The following LRIG2 variants were observed in gnomAD, a reference collection of about 807,000 sequenced individuals.
LRIG2 encodes leucine-rich repeats and immunoglobulin-like domains protein 2.
A neutral mutation model predicts 107.8 loss-of-function variants in LRIG2; 93 were observed. The ratio of observed to expected loss-of-function variants is 0.86; its 90% confidence interval spans 0.73 to 1.03. The LOEUF (loss-of-function observed/expected upper bound fraction) is 1.03, where lower values mean the gene tolerates loss of function less well. Among genes scored for constraint, LRIG2 ranks in the 50% least tolerant of loss-of-function variants. The pLI, the probability that LRIG2 is intolerant of heterozygous loss-of-function variation, is 0.00. For missense variants in LRIG2, 1,226 were observed against 1,296.0 expected, an observed-to-expected ratio of 0.95 and a Z score of 0.83; for synonymous variants, 471 against 470.6, an observed-to-expected ratio of 1.00 and a Z score of -0.01.
In LRIG2 at chr1:113,124,351, T is replaced by TA. The variant is rs1268807218; in HGVS notation, c.*250_*251insA. On this transcript the variant is annotated 3_prime_UTR_variant, in exon 18 of 18. Coordinates refer to ENST00000361127, the MANE Select transcript of LRIG2 (RefSeq NM_014813.3). ...GCAGAGGGAAGATACGGGGCAAATG[T>TA]GCTTCCTGATGCTTCCATGGGGATG... 3 of 521,644 alleles carry TA rather than the reference T, an allele frequency of 5.8e-6. No homozygotes were observed. The highest frequency in any genetic ancestry group is 1.9e-5 in the African/African-American group (1 of 52,204). 32.3% of individuals were successfully genotyped at this position (521,644 alleles called of 1,614,324 possible). A position where few individuals can be genotyped will look rare whatever the true frequency, so the allele number is the denominator to read the frequency against.
At chr1:113,108,363 A>G (rs1198996959) in intron 12 of LRIG2, among the ~76,000 whole-genome samples, 1 of 150,650 alleles carries the variant, frequency 6.6e-6, no homozygotes, top group East Asian at 2.0e-4. Context: ...AGCTGGGATT[A>G]CAGGCGTGTG....
At position 113,099,428 on chromosome 1, in the gene LRIG2, C is replaced by G. The variant is rs1362303640; in HGVS notation, c.1172+643C>G. 2.7e-5 allele frequency among the ~76,000 whole-genome samples: 4 copies of G among 150,864 alleles called. No individual in the cohort carries two copies. In the South Asian group the frequency reaches 8.4e-4, roughly 32 times the overall value. ...ATTAAAATTTTTTTTTTTGTAGAGA[C>G]AGAGTCTCACTATATTGCCCAGGCT... On this transcript the variant is annotated intron_variant, in intron 9 of 17. Coordinates refer to ENST00000361127, the MANE Select transcript of LRIG2 (RefSeq NM_014813.3).
At chr1:113,118,725 C>A (rs1284817142) in intron 16 of LRIG2, among the ~76,000 whole-genome samples, 2 of 151,406 alleles carry the variant, frequency 1.3e-5, no homozygotes, top group South Asian at 4.2e-4. Context: ...AGTGCAGTGG[C>A]GTGATCTCGG....
At chr1:113,089,788 G>T (rs1458347177) in intron 1 of LRIG2, among the ~76,000 whole-genome samples, 1 of 142,544 alleles carries the variant, frequency 7.0e-6, no homozygotes, top group Non-Finnish European at 1.5e-5. Context: ...CGCCTCAAGG[G>T]TTCAAGTGAT....
chr1:113,091,286 T>G, intron 1 of LRIG2, 32 bp from the exon 2 acceptor site: 1 of 1,446,062 alleles, frequency 6.9e-7, no homozygotes, highest in South Asian at 1.2e-5. Flanking sequence ...TTTCCAGGAC[T>G]AAACTAAGAA....
intron 1 of LRIG2, among the ~76,000 whole-genome samples, chr1:113,083,125 G>C (rs1340129506): frequency 5.3e-5 from 8 of 151,794 alleles, no homozygotes; most frequent in Non-Finnish European, 8.8e-5. Context: ...TGCCCAGGCT[G>C]GTCTTGAACT....
chr1:113,116,561 C>A, intron 16 of LRIG2, 125 bp downstream of exon 16: 1 of 846,420 alleles, frequency 1.2e-6, no homozygotes, highest in Admixed American at 3.0e-5. Context: ...AAGCATTTAG[C>A]CACATGCAAA....
intron 14 of LRIG2, among the ~76,000 whole-genome samples, chr1:113,113,527 CATTTATTTATTTATTT>C (rs71590539): frequency 1.3e-3 from 182 of 138,490 alleles, no homozygotes; most frequent in South Asian, 5.6e-3. Context: ...AATAAGAAGT[CATTTATTTATTTATTT>C]ATTTATTTAT....
chr1:113,093,606 GT>G, intron 4 of LRIG2, 42 bp downstream of exon 4: 1 of 1,012,374 alleles, frequency 9.9e-7, no homozygotes, highest in Non-Finnish European at 1.4e-6. Flanking sequence ...TAAAGCACAT[GT>G]TTATGGGGAC....
At chr1:113,091,285 C>T in intron 1 of LRIG2, 33 bp from the exon 2 acceptor site, 1 of 1,439,240 alleles carries the variant, frequency 6.9e-7, no homozygotes, top group Non-Finnish European at 9.6e-7. Context: ...CTTTCCAGGA[C>T]TAAACTAAGA....
At chr1:113,089,942 G>A (rs530794306) in intron 1 of LRIG2, among the ~76,000 whole-genome samples, 1 of 151,234 alleles carries the variant, frequency 6.6e-6, no homozygotes, top group Non-Finnish European at 1.5e-5. Context: ...TGATCCACCC[G>A]CCTTGGCCTC....
At chr1:113,111,579 G>A (rs535447033) in intron 13 of LRIG2, among the ~76,000 whole-genome samples, 1 of 152,188 alleles carries the variant, frequency 6.6e-6, no homozygotes, top group South Asian at 2.1e-4. Context: ...ATGGTGTTTG[G>A]TTTTTCACTC....
chr1:113,097,195 C>T (rs1445378338), intron 8 of LRIG2, among the ~76,000 whole-genome samples: 1 of 150,750 alleles, frequency 6.6e-6, no homozygotes, highest in Non-Finnish European at 1.5e-5. Flanking sequence ...ATAAATATAT[C>T]TAATTTTAGA....
rs568784194 is a variant in LRIG2 at position 113,107,595 on chromosome 1, A to T, written c.1315A>T (p.Ile439Phe). The T allele has an allele frequency of 2.7e-5, 43 of 1,607,672 alleles. No individual in the cohort carries two copies. In the African/African-American group the frequency reaches 5.5e-4, roughly 21 times the overall value. The stretch of plus-strand genomic sequence containing the variant: ...CTTTTCCTCTTTTCTTTCCTGCAGG[A>T]TTCTGAACACAAGCAGTTTGCTCTG... ...AFSQTHLKEL[I>F]LNTSSLLCDC... The change falls in exon 12 of 18, where the codon ATT becomes TTT. Residue 439 changes from isoleucine to phenylalanine, a missense_variant and splice_region_variant. This residue lies in a region of LRIG2 where 570 missense variants were observed against 550.2 expected (regional missense o/e 1.04). Transcript: ENST00000361127.
intron 16 of LRIG2, among the ~76,000 whole-genome samples, chr1:113,116,791 C>G (rs1218593657): frequency 5.3e-5 from 8 of 152,154 alleles, no homozygotes; most frequent in African/African-American, 1.9e-4. Flanking sequence ...GGTTTCTCTT[C>G]CTGACAGGTA....
rs1185103790 is a variant in LRIG2 at position 113,131,752 on chromosome 1, C to T, written c.*7651C>T. 1 of 151,870 alleles carries T rather than the reference C, an allele frequency of 6.6e-6. No homozygotes were observed. Among genetic ancestry groups the T allele is most frequent in the African/African-American group, 2.4e-5 (1 of 41,308 alleles). 9.4% of individuals were successfully genotyped at this position (151,870 alleles called of 1,614,324 possible). ...ATGTTACAAGCTGCACTTAACACCA[C>T]CTGAAAACCCAAGAATCATCTGAAG... On this transcript the variant is annotated 3_prime_UTR_variant, in exon 18 of 18. Coordinates refer to ENST00000361127, the MANE Select transcript of LRIG2 (RefSeq NM_014813.3).
chr1:113,100,243 C>T lies in LRIG2; in HGVS notation c.1205C>T (p.Thr402Ile), dbSNP rs1407887752. ...ILQGNQIKSI[T>I]KKAFIGLESL... ...CAAGGAAACCAGATTAAGTCAATTA[C>T]AAAGAAAGCATTCATTGGTCTTGAA... The change falls in exon 10 of 18, where the codon ACA becomes ATA. Residue 402 changes from threonine to isoleucine, a missense_variant. Physicochemically the swap from Thr to Ile is moderately conservative, Grantham distance 89. Coordinates refer to ENST00000361127, the MANE Select transcript of LRIG2 (RefSeq NM_014813.3). The T allele has an allele frequency of 1.3e-6, 2 of 1,587,946 alleles. No individual in the cohort carries two copies. The highest frequency in any genetic ancestry group is 1.7e-6 in the Non-Finnish European group (2 of 1,161,278).
chr1:113,086,608 A>C (rs762128546), intron 1 of LRIG2, among the ~76,000 whole-genome samples: 3 of 152,156 alleles, frequency 2.0e-5, no homozygotes, highest in Non-Finnish European at 4.4e-5. Flanking sequence ...CTTTGTTGCA[A>C]TTAGCTTGCT....
intron 1 of LRIG2, among the ~76,000 whole-genome samples, chr1:113,087,569 G>A (rs1258806901): frequency 6.6e-6 from 1 of 152,012 alleles, no homozygotes; most frequent in Non-Finnish European, 1.5e-5. Flanking sequence ...GGCTTGTCTC[G>A]AACTCCTGAC....
Sources: allele counts gnomAD v4.1 joint callset (sites outside exome capture counted in the v4.1 genomes callset), GRCh38; gene constraint gnomAD v4.1.1; regional missense constraint gnomAD v4.1.1; transcripts MANE v1.5; gene names NCBI Gene and HGNC (gene_info 2026-07-23, HGNC 2026-07-21).